Variants in ZFPM2 observed in about 807,000 individuals in gnomAD.
The protein encoded by ZFPM2 is zinc finger protein ZFPM2.
A neutral mutation model predicts 98.6 loss-of-function variants in ZFPM2; 20 were observed. That is an observed-to-expected ratio of 0.20 (90% CI 0.14 to 0.29). The LOEUF (loss-of-function observed/expected upper bound fraction) is 0.29. Among genes scored for constraint, ZFPM2 ranks in the 10% least tolerant of loss-of-function variants. ZFPM2 has a pLI of 1.00. For synonymous variants in ZFPM2, 518 were observed against 502.7 expected, an observed-to-expected ratio of 1.03 and a Z score of -0.41; for missense variants, 1,310 against 1,388.6, an observed-to-expected ratio of 0.94 and a Z score of 0.90.
intron 5 of ZFPM2, among the ~76,000 whole-genome samples, chr8:105,729,880 T>C (rs933250406): frequency 1.3e-5 from 2 of 151,206 alleles, no homozygotes; most frequent in African/African-American, 2.4e-5. Flanking sequence ...CTATTAAATA[T>C]ATATAGTACT....
chr8:105,777,154 C>G (rs1464134667), intron 5 of ZFPM2, among the ~76,000 whole-genome samples: 1 of 152,104 alleles, frequency 6.6e-6, no homozygotes, highest in Non-Finnish European at 1.5e-5. Flanking sequence ...TTATCGAACT[C>G]CAGCATTCAG....
chr8:105,668,686 A>G (rs1013930694), intron 5 of ZFPM2, among the ~76,000 whole-genome samples: 1 of 152,208 alleles, frequency 6.6e-6, no homozygotes, highest in African/African-American at 2.4e-5. Context: ...TAACTTTACT[A>G]AAGAATGAAT....
At chr8:105,766,565 TG>T (rs1265142599) in intron 5 of ZFPM2, among the ~76,000 whole-genome samples, 2 of 151,826 alleles carry the variant, frequency 1.3e-5, no homozygotes, top group East Asian at 3.9e-4. Flanking sequence ...GAGGTAGAGT[TG>T]ATGGGGTCCG....
At chr8:105,548,076 C>T (rs1814753733) in intron 3 of ZFPM2, among the ~76,000 whole-genome samples, 1 of 151,782 alleles carries the variant, frequency 6.6e-6, no homozygotes, top group Non-Finnish European at 1.5e-5. Flanking sequence ...ATTCTGCTTT[C>T]AGACATCACA....
intron 3 of ZFPM2, among the ~76,000 whole-genome samples, chr8:105,486,218 A>G (rs533010618): frequency 6.6e-6 from 1 of 152,090 alleles, no homozygotes; most frequent in Non-Finnish European, 1.5e-5. Flanking sequence ...ATCTTATTGG[A>G]TGTCTAGTCC....
intron 3 of ZFPM2, among the ~76,000 whole-genome samples, chr8:105,520,984 G>A (rs781359907): frequency 5.5e-5 from 8 of 145,904 alleles, no homozygotes; most frequent in Non-Finnish European, 1.3e-4. Context: ...AATGACTGTG[G>A]TCACAATGAT....
At chr8:105,655,708 A>G (rs1817272180) in intron 5 of ZFPM2, among the ~76,000 whole-genome samples, 2 of 152,216 alleles carry the variant, frequency 1.3e-5, no homozygotes, top group Non-Finnish European at 2.9e-5. Context: ...TGTAGGGTTC[A>G]GAAGAGTGTC....
chr8:105,719,776 A>G (rs1366106414), intron 5 of ZFPM2, among the ~76,000 whole-genome samples: 3 of 151,922 alleles, frequency 2.0e-5, no homozygotes, highest in African/African-American at 4.8e-5. Context: ...ACGACTGCCT[A>G]TGTAAGATCA....
intron 5 of ZFPM2, among the ~76,000 whole-genome samples, chr8:105,721,591 ATTGTTGC>A (rs1317568984): frequency 6.6e-6 from 1 of 151,964 alleles, no homozygotes; most frequent in Non-Finnish European, 1.5e-5. Context: ...TTGAATTCCC[ATTGTTGC>A]CAGGTTACAG....
At chr8:105,423,690 G>A (rs116725667) in intron 2 of ZFPM2, among the ~76,000 whole-genome samples, 1,821 of 152,242 alleles carry the variant, frequency 0.012, 34 homozygotes, top group African/African-American at 0.041. Context: ...AAGTACATCA[G>A]TATATTTGTA....
At chr8:105,529,442 A>G (rs944584375) in intron 3 of ZFPM2, among the ~76,000 whole-genome samples, 2 of 152,160 alleles carry the variant, frequency 1.3e-5, no homozygotes, top group Non-Finnish European at 2.9e-5. Flanking sequence ...TATAAGTACT[A>G]TATATTCCTG....
chr8:105,726,634 C>CCTGA (rs1811813769), intron 5 of ZFPM2, among the ~76,000 whole-genome samples: 1 of 151,594 alleles, frequency 6.6e-6, no homozygotes, highest in Admixed American at 6.6e-5. Flanking sequence ...AGATGTAATC[C>CCTGA]CTAGTCATAA....
At chr8:105,581,329 C>T (rs973759357) in intron 4 of ZFPM2, among the ~76,000 whole-genome samples, 12 of 152,076 alleles carry the variant, frequency 7.9e-5, no homozygotes, top group African/African-American at 2.4e-4. Context: ...CAATGTGATA[C>T]GTGGGTCCTA....
intron 6 of ZFPM2, among the ~76,000 whole-genome samples, chr8:105,794,628 T>G: frequency 6.6e-6 from 1 of 152,212 alleles, no homozygotes; most frequent in Non-Finnish European, 1.5e-5. Flanking sequence ...ACAGGGACAT[T>G]TAAGTCTGCA....
rs1811958717 is a variant in ZFPM2, at chr8:105,318,838, C to G, written c.-104C>G. On this transcript the variant is annotated 5_prime_UTR_variant, in exon 1 of 8. Coordinates refer to ENST00000407775, the MANE Select transcript of ZFPM2 (RefSeq NM_012082.4). Reference sequence around the variant, plus strand: ...GGAGTCCGGCCGGCGGCGGGCCGAGCCTGGCCAGCGGCGGCGGCGGCGGCG... The same window carrying G: ...GGAGTCCGGCCGGCGGCGGGCCGAGGCTGGCCAGCGGCGGCGGCGGCGGCG... 1 of 674,778 alleles carries G rather than the reference C, an allele frequency of 1.5e-6. No homozygotes were observed. The highest frequency in any genetic ancestry group is 2.2e-5 in the African/African-American group (1 of 45,778). The allele number at this position is 674,778 out of a possible 1,614,324, so 41.8% of individuals were successfully genotyped here.
intron 1 of ZFPM2, among the ~76,000 whole-genome samples, chr8:105,386,278 T>C (rs1810988364): frequency 6.6e-6 from 1 of 152,228 alleles, no homozygotes; most frequent in African/African-American, 2.4e-5. Context: ...GTTTTATTCT[T>C]CCTGAAGCTA....
intron 1 of ZFPM2, among the ~76,000 whole-genome samples, chr8:105,407,108 A>AT (rs5893742): frequency 0.028 from 3,684 of 130,852 alleles, 121 homozygotes; most frequent in African/African-American, 0.082. Flanking sequence ...AAATGCTCTA[A>AT]TTTTTTTTTT....
At chr8:105,405,879 AG>A (rs1811442474) in intron 1 of ZFPM2, among the ~76,000 whole-genome samples, 1 of 152,162 alleles carries the variant, frequency 6.6e-6, no homozygotes, top group Admixed American at 6.5e-5. Context: ...TGGTTGAACT[AG>A]TTTACAGTCC....
chr8:105,719,557 A>G (rs1189591335), intron 5 of ZFPM2, among the ~76,000 whole-genome samples: 4 of 151,912 alleles, frequency 2.6e-5, no homozygotes, highest in African/African-American at 9.7e-5. Context: ...AATTTCCCTA[A>G]ACCTCAGTTT....
Sources: allele counts gnomAD v4.1 joint callset (sites outside exome capture counted in the v4.1 genomes callset), GRCh38; gene constraint gnomAD v4.1.1; transcripts MANE v1.5; gene names NCBI Gene and HGNC (gene_info 2026-07-23, HGNC 2026-07-21).